Variants in GRIP1 observed in about 807,000 individuals in gnomAD.
GRIP1 encodes glutamate receptor-interacting protein 1.
In GRIP1, 45 loss-of-function variants were observed where a neutral mutation model predicts 129.9. The observed-to-expected ratio is 0.35, with a 90% CI of 0.27 to 0.44. The LOEUF (loss-of-function observed/expected upper bound fraction) is 0.44. GRIP1 is among the 20% of genes least tolerant of loss of function. The pLI is 1.00. For missense variants in GRIP1, 1,196 were observed against 1,396.8 expected (o/e 0.86, Z 2.29); for synonymous variants, 530 against 520.8 (o/e 1.02, Z -0.24).
intron 1 of GRIP1, among the ~76,000 whole-genome samples, chr12:66,750,864 T>C (rs984750824): frequency 6.6e-6 from 1 of 152,132 alleles, no homozygotes; most frequent in South Asian, 2.1e-4. Context: ...TCAAAGAGAA[T>C]TTAAAATAAA....
intron 1 of GRIP1, among the ~76,000 whole-genome samples, chr12:66,988,458 CA>C (rs2135628932): frequency 6.6e-6 from 1 of 152,262 alleles, no homozygotes; most frequent in East Asian, 1.9e-4. Flanking sequence ...CGGCTCACTG[CA>C]ACCTCTGCCT....
chr12:66,740,444 T>C (rs1283453920), intron 1 of GRIP1, among the ~76,000 whole-genome samples: 1 of 152,174 alleles, frequency 6.6e-6, no homozygotes, highest in East Asian at 1.9e-4. Flanking sequence ...CTCCGGTTTT[T>C]CTCCTAGAAT....
At chr12:66,648,078 C>G (rs1237833069) in intron 1 of GRIP1, among the ~76,000 whole-genome samples, 2 of 152,112 alleles carry the variant, frequency 1.3e-5, no homozygotes, top group Admixed American at 1.3e-4. Context: ...CACTCTTCCC[C>G]CCTCCCTCCA....
At chr12:66,819,718 A>G (rs1343946977) in intron 1 of GRIP1, among the ~76,000 whole-genome samples, 1 of 152,186 alleles carries the variant, frequency 6.6e-6, no homozygotes, top group Non-Finnish European at 1.5e-5. Context: ...AAGGAGCATG[A>G]GCATCACTAC....
At chr12:66,601,903 A>T (rs1333382500) in intron 1 of GRIP1, among the ~76,000 whole-genome samples, 1 of 152,194 alleles carries the variant, frequency 6.6e-6, no homozygotes, top group East Asian at 1.9e-4. Context: ...TACACAAAAG[A>T]TAATGACACC....
exon 1 of GRIP1, chr12:66,804,098 C>T: frequency 2.2e-6 from 1 of 455,938 alleles, no homozygotes; most frequent in Non-Finnish European, 4.4e-6. Flanking sequence ...TCATAGCCCT[C>T]GTGGTAATCC....
intron 1 of GRIP1, among the ~76,000 whole-genome samples, chr12:66,991,330 C>T (rs2042391567): frequency 6.6e-6 from 1 of 152,064 alleles, no homozygotes; most frequent in Non-Finnish European, 1.5e-5. Context: ...GTTATGTAAA[C>T]TCAACATAAT....
intron 3 of GRIP1, 90 bp from the exon 4 acceptor site, chr12:66,539,313 C>G (rs1355868343): frequency 6.5e-7 from 1 of 1,548,678 alleles, no homozygotes; most frequent in African/African-American, 1.4e-5. Flanking sequence ...GGTAAGCATG[C>G]AAGTGTAGAA....
chr12:66,735,587 A>T (rs572676859), intron 1 of GRIP1, among the ~76,000 whole-genome samples: 1 of 152,280 alleles, frequency 6.6e-6, no homozygotes, highest in East Asian at 1.9e-4. Context: ...CTTGGTAGGA[A>T]GATAAAAAAG....
chr12:66,825,497 C>G (rs2039394738), intron 1 of GRIP1, among the ~76,000 whole-genome samples: 1 of 152,136 alleles, frequency 6.6e-6, no homozygotes, highest in Non-Finnish European at 1.5e-5. Context: ...ATCTTAGGTT[C>G]ACTTTGGGTG....
rs79410115 is a variant in GRIP1 at position 66,612,144 on chromosome 12, C to T, written c.56-15217G>A. The stretch of plus-strand genomic sequence containing the variant: ...GTCTACAGCATAGGCTGAAAAAACA[C>T]AGCCATGTGTTGCTTAGTGATGAAG... On this transcript the variant is annotated intron_variant, in intron 1 of 24. Coordinates refer to ENST00000359742, the MANE Select transcript of GRIP1 (RefSeq NM_001366722.1). Among the ~76,000 whole-genome samples the T allele has an allele frequency of 8.3e-3, 1,259 of 152,208 alleles. 17 individuals are homozygous for T. Among genetic ancestry groups the T allele is most frequent in the African/African-American group, 0.029 (1,189 of 41,540 alleles).
intron 1 of GRIP1, among the ~76,000 whole-genome samples, chr12:66,924,094 C>G (rs529328701): frequency 3.9e-5 from 6 of 152,154 alleles, no homozygotes; most frequent in Admixed American, 1.3e-4. Flanking sequence ...ATTCACCCCC[C>G]TCGGCCTCCC....
chr12:66,656,262 A>G (rs1470176136), intron 1 of GRIP1, among the ~76,000 whole-genome samples: 2 of 152,182 alleles, frequency 1.3e-5, no homozygotes, highest in Non-Finnish European at 2.9e-5. Flanking sequence ...CCACAGGCAA[A>G]ATTTGAACTA....
chr12:67,059,684 G>A (rs2043498027), intron 1 of GRIP1, among the ~76,000 whole-genome samples: 1 of 152,184 alleles, frequency 6.6e-6, no homozygotes, highest in African/African-American at 2.4e-5. Context: ...AACAAATTAT[G>A]TTTCACTTGT....
intron 1 of GRIP1, among the ~76,000 whole-genome samples, chr12:66,873,760 C>G (rs76609900): frequency 6.6e-6 from 1 of 152,164 alleles, no homozygotes; most frequent in East Asian, 1.9e-4. Context: ...TTTCAAAGCA[C>G]TGTCATAAAT....
At chr12:66,871,423 T>C (rs889801249) in intron 1 of GRIP1, among the ~76,000 whole-genome samples, 1 of 152,136 alleles carries the variant, frequency 6.6e-6, no homozygotes, top group Non-Finnish European at 1.5e-5. Flanking sequence ...AGATCCACAT[T>C]GCAGTACTGC....
intron 7 of GRIP1, among the ~76,000 whole-genome samples, chr12:66,500,456 G>C (rs2060360328): frequency 6.6e-6 from 1 of 152,178 alleles, no homozygotes. Context: ...GAGTCTTAGT[G>C]TTAGACTAAA....
At chr12:66,360,743 T>C (rs1191706718) in intron 23 of GRIP1, among the ~76,000 whole-genome samples, 1 of 152,192 alleles carries the variant, frequency 6.6e-6, no homozygotes. Context: ...AGAAACCCGA[T>C]GCTTATGTTT....
At chr12:66,701,805 T>G (rs1395380462) in intron 1 of GRIP1, among the ~76,000 whole-genome samples, 2 of 152,192 alleles carry the variant, frequency 1.3e-5, no homozygotes, top group African/African-American at 4.8e-5. Flanking sequence ...AACCCTACAC[T>G]TGCTTAAATG....
Sources: gnomAD v4.1 joint callset for allele counts (sites outside exome capture counted in the v4.1 genomes callset) on GRCh38, gnomAD v4.1.1 for gene constraint, MANE v1.5 for transcripts, NCBI Gene and HGNC (gene_info 2026-07-23, HGNC 2026-07-21) for gene names.